PCDHGB2: variants seen among roughly 807,000 people sequenced by gnomAD.
PCDHGB2 encodes protocadherin gamma subfamily B, 2, also known as protocadherin gamma-B2.
Under a neutral mutation model 59.3 loss-of-function variants are expected in PCDHGB2, and 55 were observed. The ratio of observed to expected loss-of-function variants is 0.93; its 90% CI spans 0.75 to 1.16. The LOEUF is 1.16. PCDHGB2 is among the 50% of genes most tolerant of loss of function. The pLI is 0.00. For synonymous variants in PCDHGB2, 516 were observed against 512.0 expected, an observed-to-expected ratio of 1.01 and a Z score of -0.11; for missense variants, 1,228 against 1,198.5, an observed-to-expected ratio of 1.02 and a Z score of -0.36.
chr5:141,478,394 G>A, intron 1 of PCDHGB2: 1 of 1,613,586 alleles, frequency 6.2e-7, no homozygotes, highest in Non-Finnish European at 8.5e-7. Context: ...TTACCATCAG[G>A]TGTATCTCAC....
rs765563941 is a variant in PCDHGB2 at position 141,383,705 on chromosome 5, T to G, written c.2421+21149T>G. On this transcript the variant is annotated intron_variant, in intron 1 of 3. Transcript: ENST00000522605. ...CTGCTCACGGTACATGCTATCGACC[T>G]GGACGAGGGAGTCAATGGGGAAGTG... 3.1e-6 allele frequency: 5 copies of G among 1,613,902 alleles called. No homozygotes were observed. Among genetic ancestry groups the G allele is most frequent in the Non-Finnish European group, 4.2e-6 (5 of 1,179,894 alleles).
intron 1 of PCDHGB2, chr5:141,440,369 G>A (rs2098171994): frequency 6.6e-6 from 1 of 152,156 alleles, no homozygotes; most frequent in African/African-American, 2.4e-5. Context: ...GGGGGGCCGA[G>A]GCAGGAGAAT....
At chr5:141,364,314 T>C in intron 1 of PCDHGB2, 1 of 1,523,586 alleles carries the variant, frequency 6.6e-7, no homozygotes, top group Non-Finnish European at 8.8e-7. Context: ...AAGAGAAAAT[T>C]GGGCAGAGAG....
Position 141,491,140 on chromosome 5 carries a change from T to A in PCDHGB2, c.2422-3667T>A, listed in dbSNP as rs1392575961. On this transcript the variant is annotated intron_variant, in intron 1 of 3. Coordinates refer to ENST00000522605, the MANE Select transcript of PCDHGB2 (RefSeq NM_018923.3). This position sits in a 1 kb window ranked among gnomAD's most constrained non-coding sequence, Gnocchi z 6.9. ...TGGTGAGGTGCGCACAGCCCGGGCC[T>A]TACTGGAGGATGACTCTGACACCCA... 2 of 1,614,110 alleles carry A rather than the reference T, an allele frequency of 1.2e-6. No individual in the cohort carries two copies. Among genetic ancestry groups the A allele is most frequent in the Non-Finnish European group, 1.7e-6 (2 of 1,179,992 alleles).
intron 1 of PCDHGB2, among the ~76,000 whole-genome samples, chr5:141,397,685 G>A (rs1471845356): frequency 6.6e-6 from 1 of 152,218 alleles, no homozygotes; most frequent in Non-Finnish European, 1.5e-5. Flanking sequence ...ATGCAGGTTT[G>A]TATAAAAACC....
intron 1 of PCDHGB2, among the ~76,000 whole-genome samples, chr5:141,386,959 G>A (rs1339408726): frequency 6.6e-6 from 1 of 152,220 alleles, no homozygotes; most frequent in Non-Finnish European, 1.5e-5. Flanking sequence ...CAGTGCAGCA[G>A]ATCTCAGTGA....
At chr5:141,372,345 C>T in intron 1 of PCDHGB2, 1 of 1,613,816 alleles carries the variant, frequency 6.2e-7, no homozygotes, top group Non-Finnish European at 8.5e-7. Flanking sequence ...TGATGGAGGA[C>T]AGCAGCCTCT....
Position 141,493,360 on chromosome 5 carries a change from G to T in PCDHGB2, c.2422-1447G>T, listed in dbSNP as rs1364095483. Reference sequence around the variant, plus strand: ...CAGAATGTGTGCTTTTAATTTCTTGGCACTTGGAACTTTAAAAGCTTGAGG... The same window carrying T: ...CAGAATGTGTGCTTTTAATTTCTTGTCACTTGGAACTTTAAAAGCTTGAGG... On this transcript the variant is annotated intron_variant, in intron 1 of 3. Transcript: ENST00000522605. This position sits in a 1 kb window ranked among gnomAD's most constrained non-coding sequence, Gnocchi z 4.3. Among the ~76,000 whole-genome samples the T allele has an allele frequency of 6.6e-6, 1 of 152,144 alleles. No individual in the cohort carries two copies. The highest frequency in any genetic ancestry group is 1.5e-5 in the Non-Finnish European group (1 of 68,022).
intron 2 of PCDHGB2, among the ~76,000 whole-genome samples, chr5:141,496,334 G>T (rs959266723): frequency 2.6e-5 from 4 of 152,240 alleles, no homozygotes; most frequent in Admixed American, 6.5e-5. Context: ...GAAGTCAGGA[G>T]CCTGGAGGAG....
At chr5:141,384,470 A>G in intron 1 of PCDHGB2, 1 of 1,614,120 alleles carries the variant, frequency 6.2e-7, no homozygotes, top group South Asian at 1.1e-5. Context: ...GATTATGAGC[A>G]GTTGAGAGAA....
chr5:141,405,149 G>T (rs1469979881), intron 1 of PCDHGB2: 4 of 1,614,038 alleles, frequency 2.5e-6, no homozygotes, highest in Non-Finnish European at 3.4e-6. Context: ...TGATGGGTTG[G>T]CTGGTGTGCC....
At chr5:141,393,740 TGAA>T in intron 1 of PCDHGB2, 1 of 1,613,888 alleles carries the variant, frequency 6.2e-7, no homozygotes, top group Non-Finnish European at 8.5e-7. Context: ...GTCTAGATTA[TGAA>T]GAATGTTCAT....
At chr5:141,398,575 A>G in intron 1 of PCDHGB2, 1 of 1,614,046 alleles carries the variant, frequency 6.2e-7, no homozygotes, top group South Asian at 1.1e-5. Flanking sequence ...ACAGCCTGGC[A>G]CAAGATTTAT....
At chr5:141,376,175 G>A (rs551078264) in intron 1 of PCDHGB2, 5 of 1,614,148 alleles carry the variant, frequency 3.1e-6, no homozygotes, top group African/African-American at 1.3e-5. Flanking sequence ...GGTGGCGGTG[G>A]CCGCGGTCTC....
Position 141,367,081 on chromosome 5 carries a change from A to C in PCDHGB2, c.2421+4525A>C, listed in dbSNP as rs1480866760. On this transcript the variant is annotated intron_variant, in intron 1 of 3. Transcript: ENST00000522605. ...TTTATTTATTCAAATTGTTAGATAT[A>C]TTGTTCTCTTTTGAGTGTCTGCCTA... 5.9e-5 allele frequency: 16 copies of C among 272,890 alleles called. No individual in the cohort carries two copies. The Admixed American group carries it at 7.0e-4, about 12-fold the overall frequency. 16.9% of individuals were successfully genotyped at this position (272,890 alleles called of 1,614,324 possible).
chr5:141,412,050 A>G (rs1465943762), intron 1 of PCDHGB2: 1 of 152,222 alleles, frequency 6.6e-6, no homozygotes, highest in African/African-American at 2.4e-5. Flanking sequence ...GTGAACTTCT[A>G]TACCCTTTGC....
chr5:141,478,604 T>C (rs1425759709), intron 1 of PCDHGB2: 2 of 1,562,580 alleles, frequency 1.3e-6, no homozygotes, highest in South Asian at 2.3e-5. Context: ...CTACATCATA[T>C]TGAGGAAGGA....
chr5:141,511,293 G>A lies in PCDHGB2; in HGVS notation c.*120G>A, dbSNP rs1028501355. On this transcript the variant is annotated 3_prime_UTR_variant, in exon 4 of 4. Coordinates refer to ENST00000522605, the MANE Select transcript of PCDHGB2 (RefSeq NM_018923.3). ...CCCCAGAATACTGGTAGGGGCCAAG[G>A]CCATGCTCCCCTTGGGAAACAGAAA... The A allele has an allele frequency of 3.3e-6, 5 of 1,509,316 alleles. No individual in the cohort carries two copies. In the African/African-American group the frequency reaches 5.6e-5, roughly 17 times the overall value. The allele number at this position is 1,509,316 out of a possible 1,614,324, so 93.5% of individuals were successfully genotyped here.
At position 141,486,609 on chromosome 5, in the gene PCDHGB2, C is replaced by T; in HGVS notation, c.2422-8198C>T. The T allele has an allele frequency of 6.2e-7, 1 of 1,613,568 alleles. No homozygotes were observed. ...GGGGACCTGCTTTGCTCCCTTGCAG[C>T]CTCTGACCCAGACTCTGGCTTGAAT... On this transcript the variant is annotated intron_variant, in intron 1 of 3. Transcript: ENST00000522605. The surrounding 1 kb of genome is among the most constrained non-coding windows in gnomAD (Gnocchi z 5.0).
Sources: gnomAD v4.1 joint callset for allele counts (sites outside exome capture counted in the v4.1 genomes callset) on GRCh38, gnomAD v4.1.1 for gene constraint, Gnocchi (gnomAD v3.1) non-coding constraint, MANE v1.5 for transcripts, NCBI Gene and HGNC (gene_info 2026-07-23, HGNC 2026-07-21) for gene names.